EVC: variants seen among roughly 807,000 people sequenced by gnomAD.
EVC encodes the protein EvC ciliary complex subunit 1.
A neutral mutation model predicts 118.9 loss-of-function variants in EVC; 116 were observed. The observed-to-expected ratio is 0.98, with a 90% confidence interval of 0.84 to 1.14. The LOEUF (loss-of-function observed/expected upper bound fraction) is 1.14, where lower values mean the gene tolerates loss of function less well. EVC is among the 50% of genes most tolerant of loss of function. EVC has a pLI of 0.00. For synonymous variants in EVC, 619 were observed against 534.7 expected (o/e 1.16, Z -2.18); for missense variants, 1,401 against 1,246.4 (o/e 1.12, Z -1.87).
chr4:5,725,187 C>T (rs374957539), intron 2 of EVC, among the ~76,000 whole-genome samples: 1 of 152,132 alleles, frequency 6.6e-6, no homozygotes, highest in African/African-American at 2.4e-5. Flanking sequence ...TGAACATACA[C>T]ATGCATGTAT....
intron 2 of EVC, among the ~76,000 whole-genome samples, chr4:5,727,307 T>A (rs1726016071): frequency 6.6e-6 from 1 of 152,232 alleles, no homozygotes; most frequent in Non-Finnish European, 1.5e-5. Flanking sequence ...TTGATGTGCA[T>A]TTCTCTGATG....
At chr4:5,752,421 A>G (rs1730520848) in intron 8 of EVC, among the ~76,000 whole-genome samples, 5 of 152,176 alleles carry the variant, frequency 3.3e-5, no homozygotes, top group Middle Eastern at 3.4e-3. Context: ...GGGCTCTAAC[A>G]AAAGCCAGGA....
chr4:5,828,662 C>G, the EVC span: 2 of 1,613,598 alleles, frequency 1.2e-6, no homozygotes, highest in Non-Finnish European at 1.7e-6. Context: ...ATGTTGTACT[C>G]CACCGCCTGC....
chr4:5,807,779 G>A (rs560643080), intron 17 of EVC, among the ~76,000 whole-genome samples: 1 of 152,210 alleles, frequency 6.6e-6, no homozygotes, highest in African/African-American at 2.4e-5. Context: ...TAGGCCTCTG[G>A]TCCTTTCAGG....
At chr4:5,723,904 A>C (rs929417387) in intron 2 of EVC, among the ~76,000 whole-genome samples, 3 of 152,042 alleles carry the variant, frequency 2.0e-5, no homozygotes, top group African/African-American at 7.2e-5. Flanking sequence ...CACTGACAAA[A>C]CTCCAAGCAG....
chr4:5,773,182 C>A (rs575493329), intron 11 of EVC, among the ~76,000 whole-genome samples: 1 of 152,162 alleles, frequency 6.6e-6, no homozygotes, highest in African/African-American at 2.4e-5. Flanking sequence ...TATCCCAGAG[C>A]GTTCACTTTT....
In EVC at chr4:5,729,386, TC is replaced by T; in HGVS notation, c.382del (p.Arg128GlyfsTer16). The T allele has an allele frequency of 3.1e-6, 5 of 1,614,038 alleles. No individual in the cohort carries two copies. Among genetic ancestry groups the T allele is most frequent in the Non-Finnish European group, 4.2e-6 (5 of 1,179,964 alleles). ...AKVIYPINQK[F>X]RPLADGSSNP... is the part of the protein sequence containing the mutation. ...GTCATCTACCCCATCAATCAGAAGT[TC>T]CGGGTGAGAGTCCTGAGCTCCATCA... On this transcript the variant is annotated frameshift_variant, in exon 3 of 21. Transcript: ENST00000264956. LOFTEE classifies it high-confidence loss of function.
intron 17 of EVC, among the ~76,000 whole-genome samples, chr4:5,806,331 C>T (rs1192523170): frequency 1.3e-5 from 2 of 152,056 alleles, no homozygotes; most frequent in African/African-American, 4.8e-5. Context: ...ATTCACCCGC[C>T]TTGGCCTCTC....
chr4:5,787,692 C>T (rs1014465189), intron 12 of EVC, among the ~76,000 whole-genome samples: 3 of 152,178 alleles, frequency 2.0e-5, no homozygotes, highest in African/African-American at 7.2e-5. Flanking sequence ...GAAACTAACA[C>T]ACCAGTGAGT....
chr4:5,775,825 A>G (rs1219396193), intron 11 of EVC, among the ~76,000 whole-genome samples: 1 of 152,184 alleles, frequency 6.6e-6, no homozygotes, highest in Non-Finnish European at 1.5e-5. Flanking sequence ...TGTAGCTTCA[A>G]TTTATATCTC....
chr4:5,760,123 A>G (rs1415372198), intron 11 of EVC, among the ~76,000 whole-genome samples: 1 of 152,118 alleles, frequency 6.6e-6, no homozygotes, highest in African/African-American at 2.4e-5. Flanking sequence ...ATAACTGTGA[A>G]TAGATGGGAG....
At chr4:5,745,726 C>A (rs532174972) in intron 7 of EVC, among the ~76,000 whole-genome samples, 1 of 152,282 alleles carries the variant, frequency 6.6e-6, no homozygotes, top group South Asian at 2.1e-4. Flanking sequence ...TCTGAAACAT[C>A]GTTTTTCTTT....
At chr4:5,779,357 G>GT (rs1363281858) in intron 11 of EVC, among the ~76,000 whole-genome samples, 2 of 151,280 alleles carry the variant, frequency 1.3e-5, no homozygotes, top group Non-Finnish European at 3.0e-5. Flanking sequence ...CTTTAAAGTA[G>GT]TTTTTTCCAA....
rs200292961 is a variant in EVC, at chr4:5,741,837, A to C, written c.801+23A>C. 1.4e-4 allele frequency: 178 copies of C among 1,296,166 alleles called. 1 individual carries two copies. The African/African-American group carries it at 2.3e-3, about 17-fold the overall frequency. The allele number at this position is 1,296,166 out of a possible 1,614,324, so 80.3% of individuals were successfully genotyped here. ...AAAGTAAGTCTTCAACCTATGTTTCAAGGTAACTTAAAAATAGTTTATTAT... is the reference window on the plus strand; with the variant it reads ...AAAGTAAGTCTTCAACCTATGTTTCCAGGTAACTTAAAAATAGTTTATTAT... On this transcript the variant is annotated intron_variant, in intron 6 of 20. Coordinates refer to ENST00000264956, the MANE Select transcript of EVC (RefSeq NM_153717.3).
chr4:5,794,820 G>A (rs77765554), intron 13 of EVC, among the ~76,000 whole-genome samples: 1 of 152,178 alleles, frequency 6.6e-6, no homozygotes, highest in Non-Finnish European at 1.5e-5. Context: ...GCGTGATGCT[G>A]AGGATTGGGG....
At chr4:5,714,673 T>G (rs1449635419) in intron 1 of EVC, among the ~76,000 whole-genome samples, 3 of 152,202 alleles carry the variant, frequency 2.0e-5, no homozygotes, top group Admixed American at 6.5e-5. Flanking sequence ...ATTCAGTGTT[T>G]CCATTATTAC....
chr4:5,773,258 C>T (rs540245276), intron 11 of EVC, among the ~76,000 whole-genome samples: 8 of 152,234 alleles, frequency 5.3e-5, no homozygotes, highest in Non-Finnish European at 1.0e-4. Context: ...AACAAGACAC[C>T]GGGAAACCCA....
chr4:5,821,637 C>T, the EVC span: 4 of 888,424 alleles, frequency 4.5e-6, no homozygotes, highest in African/African-American at 1.7e-5. This position sits in a 1 kb window ranked among gnomAD's most constrained non-coding sequence, Gnocchi z 4.4. Context: ...GAAAGAGCAT[C>T]CTTCGACTTC....
At chr4:5,751,835 GAGGGTGTTCC>G (rs1411842426) in intron 8 of EVC, among the ~76,000 whole-genome samples, 2 of 152,334 alleles carry the variant, frequency 1.3e-5, no homozygotes, top group Middle Eastern at 3.4e-3. Context: ...AGGAGGCAGT[GAGGGTGTTCC>G]AGGAGGAAGG....
Sources: allele counts gnomAD v4.1 joint callset (sites outside exome capture counted in the v4.1 genomes callset), GRCh38; gene constraint gnomAD v4.1.1; non-coding constraint Gnocchi (gnomAD v3.1); transcripts MANE v1.5; gene names NCBI Gene and HGNC (gene_info 2026-07-23, HGNC 2026-07-21).